RBFOX1: variants seen among roughly 807,000 people sequenced by gnomAD.
The protein encoded by RBFOX1 is RNA binding fox-1 homolog 1, also known as RNA binding protein fox-1 homolog 1.
A neutral mutation model predicts 57.7 loss-of-function variants in RBFOX1; 8 were observed. The observed-to-expected ratio is 0.14, with a 90% confidence interval of 0.08 to 0.25. RBFOX1 has a LOEUF of 0.25. Ranked by LOEUF, RBFOX1 falls within the 10% of genes least tolerant of loss-of-function variation. The pLI, the probability that RBFOX1 is intolerant of heterozygous loss-of-function variation, is 1.00. For synonymous variants in RBFOX1, 326 were observed against 222.4 expected (o/e 1.47, Z -4.15); for missense variants, 611 against 548.5 (o/e 1.11, Z -1.14).
At chr16:7,205,665 T>C (rs2222895) in intron 4 of RBFOX1, among the ~76,000 whole-genome samples, 138,583 of 152,348 alleles carry the variant, frequency 0.91, 63,366 homozygotes, top group East Asian at 1. Context: ...CCATGCCTTC[T>C]TGGTCATTAA....
At chr16:5,454,898 CTTTCT>C (rs1216025631) in intron 1 of RBFOX1, among the ~76,000 whole-genome samples, 3 of 66,528 alleles carry the variant, frequency 4.5e-5, no homozygotes, top group African/African-American at 1.0e-4. Context: ...TTCTTTCTTT[CTTTCT>C]TTCTTTCTTT....
At position 5,416,844 on chromosome 16, in the gene RBFOX1, G is replaced by C. The variant is rs950986077; in HGVS notation, c.220-50372G>C. Among the ~76,000 whole-genome samples, 6 of 152,282 alleles carry C rather than the reference G, an allele frequency of 3.9e-5. No individual in the cohort carries two copies. In the South Asian group the frequency reaches 1.2e-3, roughly 32 times the overall value. The stretch of plus-strand genomic sequence containing the variant: ...TTCTTATCTACATTCAGTAAGAGGA[G>C]GGAAGTGTAGCGTTTGTTACTGCGG... On this transcript the variant is annotated intron_variant, in intron 1 of 2. Coordinates refer to the RBFOX1 transcript ENST00000585867.
intron 13 of RBFOX1, among the ~76,000 whole-genome samples, chr16:7,666,852 A>T (rs536773216): frequency 6.6e-6 from 1 of 152,200 alleles, no homozygotes; most frequent in Non-Finnish European, 1.5e-5. Flanking sequence ...TGTCTCTCAC[A>T]CATTCATCAT....
intron 4 of RBFOX1, among the ~76,000 whole-genome samples, chr16:7,231,841 C>G (rs537459263): frequency 6.6e-6 from 1 of 152,136 alleles, no homozygotes; most frequent in African/African-American, 2.4e-5. Flanking sequence ...CCTGAAATAT[C>G]TGGAGTAGGT....
Position 6,637,357 on chromosome 16 carries a change from A to ATATATAT in RBFOX1, c.-63-17246_-63-17245insTATATAT, listed in dbSNP as rs1491508373. On this transcript the variant is annotated intron_variant, in intron 2 of 15. Transcript: ENST00000550418. ...AATATACAAATATATATTATATATT[A>ATATATAT]AATATATATAATATATAATATACAA... Among the ~76,000 whole-genome samples the ATATATAT allele has an allele frequency of 3.4e-3, 106 of 31,576 alleles. 20 individuals are homozygous for ATATATAT. The highest frequency in any genetic ancestry group is 0.012 in the South Asian group (7 of 598). 20.7% of individuals were successfully genotyped at this position (31,576 alleles called of 152,430 possible).
intron 2 of RBFOX1, among the ~76,000 whole-genome samples, chr16:6,461,119 A>G (rs554674194): frequency 6.6e-6 from 1 of 152,292 alleles, no homozygotes; most frequent in South Asian, 2.1e-4. Context: ...GGTGGGGGGA[A>G]GAAAGCATTA....
At chr16:7,707,586 G>A (rs2082887297) in intron 14 of RBFOX1, among the ~76,000 whole-genome samples, 1 of 152,168 alleles carries the variant, frequency 6.6e-6, no homozygotes, top group African/African-American at 2.4e-5. Flanking sequence ...CCGAGCTGCT[G>A]TGAATGTTGG....
At chr16:5,949,501 G>C (rs1463992678) in intron 4 of RBFOX1, among the ~76,000 whole-genome samples, 2 of 143,532 alleles carry the variant, frequency 1.4e-5, no homozygotes, top group Non-Finnish European at 3.0e-5. Flanking sequence ...ACTCTAGCCT[G>C]GGTGGCAGTG....
intron 3 of RBFOX1, among the ~76,000 whole-genome samples, chr16:5,834,917 C>G (rs1327082595): frequency 6.6e-6 from 1 of 152,176 alleles, no homozygotes; most frequent in Non-Finnish European, 1.5e-5. Flanking sequence ...CTCTGAGAAA[C>G]CTGCATAGCG....
At chr16:5,779,115 G>C (rs1392072994) in intron 3 of RBFOX1, among the ~76,000 whole-genome samples, 3 of 152,082 alleles carry the variant, frequency 2.0e-5, no homozygotes, top group Non-Finnish European at 4.4e-5. Flanking sequence ...AAAATATTTT[G>C]ATGACAAGTT....
intron 1 of RBFOX1, among the ~76,000 whole-genome samples, chr16:5,242,024 A>G (rs543592416): frequency 6.6e-6 from 1 of 152,060 alleles, no homozygotes; most frequent in African/African-American, 2.4e-5. Context: ...CTGAGGTGGG[A>G]GGATTGCTAG....
intron 2 of RBFOX1, among the ~76,000 whole-genome samples, chr16:6,495,291 G>C (rs773266837): frequency 2.6e-5 from 4 of 152,076 alleles, no homozygotes; most frequent in Non-Finnish European, 5.9e-5. Flanking sequence ...GCTAATTTTT[G>C]TATTCTTAGT....
Position 5,758,326 on chromosome 16 carries a change from A to T in RBFOX1, c.319-108977A>T, listed in dbSNP as rs75509183. 7.1e-3 allele frequency among the ~76,000 whole-genome samples: 1,080 copies of T among 152,264 alleles called. 14 individuals carry two copies. The highest frequency in any genetic ancestry group is 0.024 in the African/African-American group (1,017 of 41,548). ...CATAGTTACCTCTCGGCTCTATTAT[A>T]ACAGTAGTGCCATAATTGGAGCACG... On this transcript the variant is annotated intron_variant, in intron 3 of 19. Transcript: ENST00000641259.
chr16:6,362,439 A>T (rs1031085088), intron 2 of RBFOX1, among the ~76,000 whole-genome samples: 28 of 152,162 alleles, frequency 1.8e-4, no homozygotes, highest in South Asian at 4.1e-4. Flanking sequence ...AGGGGTTCGG[A>T]GACTTAGGCA....
At chr16:7,611,505 G>A (rs1219083837) in intron 10 of RBFOX1, among the ~76,000 whole-genome samples, 1 of 151,974 alleles carries the variant, frequency 6.6e-6, no homozygotes, top group Non-Finnish European at 1.5e-5. Flanking sequence ...CTTGAACCTG[G>A]GAGGCAGAGG....
Position 6,744,954 on chromosome 16 carries a change from T to C in RBFOX1, c.-16+90304T>C, listed in dbSNP as rs28844027. ...ACACTTTTAGCCAGGCTTAGTAAAG[T>C]TAAGGAGAAGATACAAATTACCAAT... On this transcript the variant is annotated intron_variant, in intron 3 of 15. Coordinates refer to ENST00000550418, the MANE Select transcript of RBFOX1 (RefSeq NM_018723.4). Among the ~76,000 whole-genome samples the C allele has an allele frequency of 3.8e-4, 58 of 152,060 alleles. 1 individual carries two copies. The East Asian group carries it at 5.0e-3, about 13-fold the overall frequency.
intron 4 of RBFOX1, among the ~76,000 whole-genome samples, chr16:7,408,850 A>T (rs1352161455): frequency 6.6e-6 from 1 of 150,974 alleles, no homozygotes; most frequent in Admixed American, 6.6e-5. Flanking sequence ...GCATGGGGGC[A>T]GGGGGGTGGT....
intron 4 of RBFOX1, among the ~76,000 whole-genome samples, chr16:5,906,845 T>C (rs771701458): frequency 6.0e-5 from 9 of 149,344 alleles, no homozygotes; most frequent in Non-Finnish European, 1.0e-4. Context: ...AGCAATTCTC[T>C]TGCCTCAACC....
At position 6,097,409 on chromosome 16, in the gene RBFOX1, C is replaced by G. The variant is rs944539915; in HGVS notation, c.-127+77417C>G. Among the ~76,000 whole-genome samples the G allele has an allele frequency of 5.3e-5, 8 of 152,096 alleles. No individual in the cohort carries two copies. The highest frequency in any genetic ancestry group is 1.4e-4 in the African/African-American group (6 of 41,418). On this transcript the variant is annotated intron_variant, in intron 1 of 15. Transcript: ENST00000550418. This position sits in a 1 kb window ranked among gnomAD's most constrained non-coding sequence, Gnocchi z 5.0. ...CACTCAAACCATGGTCTGCAGACTA[C>G]CAGCATTAGCAAGGCCTGGGAGTTT...
Sources: allele counts gnomAD v4.1 joint callset (sites outside exome capture counted in the v4.1 genomes callset), GRCh38; gene constraint gnomAD v4.1.1; non-coding constraint Gnocchi (gnomAD v3.1); transcripts MANE v1.5; gene names NCBI Gene and HGNC (gene_info 2026-07-23, HGNC 2026-07-21).